CRBN: variants seen among roughly 807,000 people sequenced by gnomAD.
CRBN encodes the protein cereblon.
A neutral mutation model predicts 62.2 loss-of-function variants in CRBN; 53 were observed. That is an observed-to-expected ratio of 0.85 (90% CI 0.68 to 1.07). CRBN has a LOEUF of 1.07. Ranked by LOEUF, CRBN falls within the 50% of genes least tolerant of loss-of-function variation. The probability of loss-of-function intolerance (pLI) is 0.00; values close to 1 mark genes in which losing one functional copy is unlikely to be tolerated. For missense variants in CRBN, 616 were observed against 531.1 expected, an observed-to-expected ratio of 1.16 and a Z score of -1.57; for synonymous variants, 208 against 176.1, an observed-to-expected ratio of 1.18 and a Z score of -1.43.
chr3:3,175,269 G>C lies in CRBN; in HGVS notation c.68C>G (p.Ala23Gly). The C allele has an allele frequency of 1.3e-6, 2 of 1,582,766 alleles. No homozygotes were observed. The highest frequency in any genetic ancestry group is 1.7e-6 in the Non-Finnish European group (2 of 1,152,724). Reference protein sequence around the residue: ...NMGNHLPLLPAESEEEDEMEV... With the variant: ...NMGNHLPLLPGESEEEDEMEV... ...CATTTCATCTTCTTCCTCACTCTCT[G>C]CTATAAAAGTAGAATATTGTAAGAA... The change falls in exon 2 of 11, where the codon GCA becomes GGA. Residue 23 changes from alanine (A) to glycine (G), a missense_variant and splice_region_variant. By Grantham distance (60) the Ala-to-Gly change is moderately conservative. Coordinates refer to ENST00000231948, the MANE Select transcript of CRBN (RefSeq NM_016302.4).
intron 1 of CRBN, among the ~76,000 whole-genome samples, chr3:3,177,197 C>A (rs899963436): frequency 4.6e-5 from 7 of 152,220 alleles, no homozygotes; most frequent in African/African-American, 1.7e-4. Flanking sequence ...TCATTTCTCA[C>A]CTCCCAGTTC....
intron 4 of CRBN, 66 bp from the exon 5 acceptor site, chr3:3,167,859 C>T: frequency 1.4e-6 from 2 of 1,475,798 alleles, no homozygotes; most frequent in Non-Finnish European, 1.9e-6. Context: ...CTATAAGTTT[C>T]TAAACAGTGA....
At chr3:3,152,421 A>T (rs751507795) in intron 10 of CRBN, 35 bp downstream of exon 10, 6 of 1,586,736 alleles carry the variant, frequency 3.8e-6, no homozygotes, top group East Asian at 2.4e-5. Flanking sequence ...AAGGTAAAAA[A>T]AGAAAAAAAA....
At chr3:3,155,089 T>G (rs894060534) in intron 6 of CRBN, 3 of 508,100 alleles carry the variant, frequency 5.9e-6, no homozygotes, top group Middle Eastern at 5.3e-4. Context: ...TTGCAGATTG[T>G]TCTGTTCTAT....
At chr3:3,156,084 G>T in intron 6 of CRBN, 135 bp downstream of exon 6, 1 of 782,806 alleles carries the variant, frequency 1.3e-6, no homozygotes, top group Non-Finnish European at 2.2e-6. Flanking sequence ...GATTACAGGT[G>T]TGAGCCACCA....
Position 3,152,624 on chromosome 3 carries a change from C to T in CRBN, c.1017-37G>A, listed in dbSNP as rs199995326. 242 of 1,613,036 alleles carry T rather than the reference C, an allele frequency of 1.5e-4. 1 individual carries two copies. The African/African-American group carries it at 2.8e-3, about 19-fold the overall frequency. ...AATCAACATGGAGAACACGTCAAAA[C>T]GAGAAGTCTAATTTTATTAAATGCT... On this transcript the variant is annotated intron_variant, in intron 9 of 10. Coordinates refer to ENST00000231948, the MANE Select transcript of CRBN (RefSeq NM_016302.4).
At chr3:3,168,185 T>C (rs1279510024) in intron 4 of CRBN, among the ~76,000 whole-genome samples, 1 of 152,142 alleles carries the variant, frequency 6.6e-6, no homozygotes, top group African/African-American at 2.4e-5. Flanking sequence ...CCCCACTTCT[T>C]ATGCTGCTTA....
chr3:3,172,918 G>A lies in CRBN; in HGVS notation c.385C>T (p.Gln129Ter). 6.2e-7 allele frequency: 1 copy of A among 1,613,352 alleles called. No homozygotes were observed. The highest frequency in any genetic ancestry group is 8.5e-7 in the Non-Finnish European group (1 of 1,179,466). The part of the protein sequence containing the change: ...TFAVLAYSNV[Q>*]EREAQFGTTA... ...GTTCCAAACTGTGCTTCCCTTTCCT[G>A]TACATTGCTTCCAAGAAAATTTTAA... Residue 129 changes from glutamine (Q) to a stop codon, truncating the protein, a stop_gained, in exon 4 of 11, where the codon CAG (glutamine) becomes TAG (stop). Transcript: ENST00000231948. LOFTEE classifies it high-confidence loss of function.
chr3:3,169,309 T>C (rs771704840), intron 4 of CRBN, among the ~76,000 whole-genome samples: 11 of 152,188 alleles, frequency 7.2e-5, no homozygotes, highest in Admixed American at 3.9e-4. Context: ...ATAAGCTAGT[T>C]TTTTTTCTTT....
intron 2 of CRBN, 40 bp from the exon 3 acceptor site, chr3:3,174,301 A>T: frequency 6.8e-7 from 1 of 1,467,892 alleles, no homozygotes; most frequent in Non-Finnish European, 9.5e-7. Flanking sequence ...CATGATCGAT[A>T]TGTAATAAAA....
Position 3,150,792 on chromosome 3 carries a change from G to A in CRBN, c.*73C>T. The A allele has an allele frequency of 1.4e-6, 2 of 1,418,680 alleles. No homozygotes were observed. Among genetic ancestry groups the A allele is most frequent in the Non-Finnish European group, 2.0e-6 (2 of 1,021,450 alleles). 87.9% of individuals were successfully genotyped at this position (1,418,680 alleles called of 1,614,324 possible). A position where few individuals can be genotyped will look rare whatever the true frequency, so the allele number is the denominator to read the frequency against. ...GTTATGTTTACTTAGGTATGTATCAGAGGCAATAATTTCCAAAGCAGATCT... is the reference window on the plus strand; with the variant it reads ...GTTATGTTTACTTAGGTATGTATCAAAGGCAATAATTTCCAAAGCAGATCT... On this transcript the variant is annotated 3_prime_UTR_variant, in exon 11 of 11. Transcript: ENST00000231948.
At chr3:3,173,067 T>A (rs1272231844) in intron 3 of CRBN, 142 bp from the exon 4 acceptor site, 2 of 725,244 alleles carry the variant, frequency 2.8e-6, no homozygotes, top group African/African-American at 1.8e-5. Context: ...TTTATTTATT[T>A]ATTTGTTTGA....
Position 3,150,649 on chromosome 3 carries a change from CT to C in CRBN, c.*215del. The C allele has an allele frequency of 2.0e-6, 1 of 489,792 alleles. No individual in the cohort carries two copies. The highest frequency in any genetic ancestry group is 2.1e-5 in the South Asian group (1 of 46,796). 30.3% of individuals were successfully genotyped at this position (489,792 alleles called of 1,614,324 possible). A position where few individuals can be genotyped will look rare whatever the true frequency, so the allele number is the denominator to read the frequency against. ...CACCAAGCTACCCAAGTAGATGTTT[CT>C]GGTATTCTAGACTGCCGTTCATGCT... On this transcript the variant is annotated 3_prime_UTR_variant, in exon 11 of 11. Transcript: ENST00000231948.
At chr3:3,151,071 C>T (rs1403107215) in intron 10 of CRBN, 26 bp from the exon 11 acceptor site, 1 of 1,611,898 alleles carries the variant, frequency 6.2e-7, no homozygotes, top group Non-Finnish European at 8.5e-7. Context: ...AAGATATCAG[C>T]TAAGGAAACA....
chr3:3,165,287 TAAAGC>T (rs1346699643), intron 5 of CRBN, among the ~76,000 whole-genome samples: 11 of 152,356 alleles, frequency 7.2e-5, no homozygotes, highest in Admixed American at 6.5e-4. Flanking sequence ...ACTTAGTTGA[TAAAGC>T]AGCAGCAAGT....
At chr3:3,167,578 GA>G (rs200791867) in intron 5 of CRBN, 55 bp downstream of exon 5, 6 of 1,524,436 alleles carry the variant, frequency 3.9e-6, no homozygotes, top group East Asian at 2.3e-5. Flanking sequence ...CTTAAAACAG[GA>G]AAAAAAACAA....
chr3:3,164,537 G>T (rs1278041414), intron 5 of CRBN, among the ~76,000 whole-genome samples: 1 of 152,162 alleles, frequency 6.6e-6, no homozygotes, highest in Non-Finnish European at 1.5e-5. Context: ...AAAAATCCTA[G>T]GGCCCTTTAA....
At chr3:3,153,531 A>G (rs1472453336) in intron 8 of CRBN, 43 bp from the exon 9 acceptor site, 1 of 1,081,700 alleles carries the variant, frequency 9.2e-7, no homozygotes, top group East Asian at 2.4e-5. Context: ...AAAAACTGGC[A>G]TTCACTTTAT....
chr3:3,154,933 ACTCAGTCCCAT>A (rs1009814269), intron 6 of CRBN, 102 bp from the exon 7 acceptor site: 2 of 739,186 alleles, frequency 2.7e-6, no homozygotes, highest in Admixed American at 1.9e-5. Flanking sequence ...CAATTTAATC[ACTCAGTCCCAT>A]CTCAGTCCCA....
Sources: gnomAD v4.1 joint callset for allele counts (sites outside exome capture counted in the v4.1 genomes callset) on GRCh38, gnomAD v4.1.1 for gene constraint, MANE v1.5 for transcripts, NCBI Gene and HGNC (gene_info 2026-07-23, HGNC 2026-07-21) for gene names.